The following LRTM1 variants were observed in gnomAD, a reference collection of about 807,000 sequenced individuals.
LRTM1 encodes leucine rich repeat transmembrane protein 1.
Under a neutral mutation model 32.4 loss-of-function variants are expected in LRTM1, and 38 were observed. That is an observed-to-expected ratio of 1.17 (90% CI 0.91 to 1.54). The LOEUF (loss-of-function observed/expected upper bound fraction) is 1.54. Ranked by LOEUF, LRTM1 falls within the 40% of genes most tolerant of loss-of-function variation. LRTM1 has a pLI of 0.00. For missense variants in LRTM1, 466 were observed against 415.4 expected (o/e 1.12, Z -1.06); for synonymous variants, 186 against 169.9 (o/e 1.09, Z -0.74).
At chr3:54,955,098 C>G (rs888121761) in intron 1 of LRTM1, among the ~76,000 whole-genome samples, 1 of 152,116 alleles carries the variant, frequency 6.6e-6, no homozygotes, top group Non-Finnish European at 1.5e-5. Context: ...CAAAATTATT[C>G]GAACGTACGT....
intron 1 of LRTM1, among the ~76,000 whole-genome samples, chr3:54,950,541 C>T (rs1178885939): frequency 6.6e-6 from 1 of 152,188 alleles, no homozygotes; most frequent in African/African-American, 2.4e-5. Flanking sequence ...TGCAATGCTT[C>T]CTCCTGTTTC....
intron 1 of LRTM1, 67 bp from the exon 2 acceptor site, chr3:54,925,282 C>A: frequency 7.5e-7 from 1 of 1,331,878 alleles, no homozygotes; most frequent in African/African-American, 1.5e-5. Flanking sequence ...CACTTTTCCG[C>A]CTTTGAATTT....
intron 1 of LRTM1, among the ~76,000 whole-genome samples, chr3:54,942,737 A>C (rs1406076512): frequency 1.3e-5 from 2 of 151,988 alleles, no homozygotes; most frequent in East Asian, 1.9e-4. Flanking sequence ...AAAATAAAAA[A>C]AATTAGGCCA....
At chr3:54,944,749 T>A (rs1701568920) in intron 1 of LRTM1, among the ~76,000 whole-genome samples, 1 of 152,188 alleles carries the variant, frequency 6.6e-6, no homozygotes, top group Non-Finnish European at 1.5e-5. Context: ...TAGCAGCCTT[T>A]TCTTGTTTCA....
chr3:54,921,778 C>T (rs951963903), intron 2 of LRTM1, among the ~76,000 whole-genome samples: 1 of 152,144 alleles, frequency 6.6e-6, no homozygotes, highest in East Asian at 1.9e-4. Context: ...GAATGCAGAC[C>T]ATGCCCCCAT....
At chr3:54,954,930 T>A (rs1701844587) in intron 1 of LRTM1, among the ~76,000 whole-genome samples, 1 of 152,170 alleles carries the variant, frequency 6.6e-6, no homozygotes, top group Non-Finnish European at 1.5e-5. Flanking sequence ...CACAGTGCAT[T>A]TGCTCATTCA....
At chr3:54,921,542 G>A (rs574471814) in intron 2 of LRTM1, among the ~76,000 whole-genome samples, 4 of 152,250 alleles carry the variant, frequency 2.6e-5, no homozygotes, top group Admixed American at 1.3e-4. Flanking sequence ...AGGCCAGCAG[G>A]AAGACTAAAT....
intron 1 of LRTM1, among the ~76,000 whole-genome samples, chr3:54,964,284 T>A (rs780239694): frequency 2.2e-4 from 34 of 152,156 alleles, no homozygotes; most frequent in Non-Finnish European, 3.8e-4. Flanking sequence ...TGATGAAGAT[T>A]CCCAGCAGGG....
rs764362985 is a variant in LRTM1 at position 54,918,611 on chromosome 3, A to G, written c.886T>C (p.Cys296Arg). ...IATVIITGVV[C>R]GIVCLMMLAA... Reference sequence around the variant, plus strand: ...AACATCATGAGACACACAATCCCACACACAACGCCAGTGATGATGACAGTG... The same window carrying G: ...AACATCATGAGACACACAATCCCACGCACAACGCCAGTGATGATGACAGTG... Residue 296 changes from cysteine to arginine, a missense_variant, in exon 3 of 3, where the codon TGT becomes CGT. Cys to Arg is a radical substitution (Grantham distance 180, BLOSUM62 -3). Coordinates refer to ENST00000273286, the MANE Select transcript of LRTM1 (RefSeq NM_020678.4). 6.2e-7 allele frequency: 1 copy of G among 1,614,038 alleles called. No homozygotes were observed. Among genetic ancestry groups the G allele is most frequent in the Non-Finnish European group, 8.5e-7 (1 of 1,180,006 alleles).
At chr3:54,955,064 C>T (rs6775716) in intron 1 of LRTM1, among the ~76,000 whole-genome samples, 64,015 of 152,008 alleles carry the variant, frequency 0.42, 14,635 homozygotes, top group East Asian at 0.74. Flanking sequence ...TGACAAAAGA[C>T]CGATTAGTAG....
intron 1 of LRTM1, among the ~76,000 whole-genome samples, chr3:54,936,364 G>T (rs767756709): frequency 1.3e-5 from 2 of 152,284 alleles, no homozygotes; most frequent in South Asian, 2.1e-4. Flanking sequence ...AAGCCTTTGT[G>T]TGTGTGCCTA....
intron 1 of LRTM1, among the ~76,000 whole-genome samples, chr3:54,935,979 A>G (rs1453438986): frequency 6.6e-6 from 1 of 152,178 alleles, no homozygotes; most frequent in Non-Finnish European, 1.5e-5. Flanking sequence ...TGTTCCTGCT[A>G]AACACATGGA....
In LRTM1 at chr3:54,952,772, A is replaced by G. The variant is rs145948089; in HGVS notation, c.-222+14156T>C. Among the ~76,000 whole-genome samples the G allele has an allele frequency of 3.0e-3, 450 of 152,240 alleles. 4 individuals are homozygous for G. The highest frequency in any genetic ancestry group is 0.01 in the African/African-American group (422 of 41,540). On this transcript the variant is annotated intron_variant, in intron 1 of 2. Transcript: ENST00000493075. Reference sequence around the variant, plus strand: ...CCAGCCCAGCCACTCCAAAACCTCAATGCCCTCAGCTGTAGAACAGAGGGA... The same window carrying G: ...CCAGCCCAGCCACTCCAAAACCTCAGTGCCCTCAGCTGTAGAACAGAGGGA...
intron 2 of LRTM1, among the ~76,000 whole-genome samples, chr3:54,923,170 T>C (rs1398948104): frequency 1.3e-5 from 2 of 152,132 alleles, no homozygotes; most frequent in East Asian, 3.9e-4. Context: ...CTAAAACTCT[T>C]CAAGAGCTTT....
chr3:54,960,747 T>C (rs1268447541), intron 1 of LRTM1, among the ~76,000 whole-genome samples: 1 of 152,226 alleles, frequency 6.6e-6, no homozygotes, highest in Non-Finnish European at 1.5e-5. Context: ...CCCAAATTAG[T>C]CCCAGGATTT....
chr3:54,918,403 T>G lies in LRTM1; in HGVS notation c.*56A>C. ...AGACTAACAGGAAACACATCAGCCC[T>G]ACTCAGACACTATCTTCTGGCCTGC... On this transcript the variant is annotated 3_prime_UTR_variant, in exon 3 of 3. Coordinates refer to ENST00000273286, the MANE Select transcript of LRTM1 (RefSeq NM_020678.4). 7.9e-7 allele frequency: 1 copy of G among 1,261,658 alleles called. No homozygotes were observed. Among genetic ancestry groups the G allele is most frequent in the South Asian group, 1.2e-5 (1 of 80,844 alleles). The allele number at this position is 1,261,658 out of a possible 1,614,324, so 78.2% of individuals were successfully genotyped here.
At chr3:54,941,196 CA>C (rs1464774696) in intron 1 of LRTM1, among the ~76,000 whole-genome samples, 1 of 152,144 alleles carries the variant, frequency 6.6e-6, no homozygotes, top group Non-Finnish European at 1.5e-5. Flanking sequence ...CAAACTTGTT[CA>C]AGTTGTTAAA....
chr3:54,955,327 C>T lies in LRTM1; in HGVS notation c.-222+11601G>A, dbSNP rs958267880. ...GCAGGTAATCTCTTGAAGCTACTCT[C>T]AGAAGAACAGATGAAAAGTCTGTCT... is the stretch of plus-strand genomic sequence containing the variant. On this transcript the variant is annotated intron_variant, in intron 1 of 2. Transcript: ENST00000493075. 4.6e-5 allele frequency among the ~76,000 whole-genome samples: 7 copies of T among 152,260 alleles called. No homozygotes were observed. In the South Asian group the frequency reaches 1.5e-3, roughly 32 times the overall value.
chr3:54,954,664 C>G lies in LRTM1; in HGVS notation c.-222+12264G>C, dbSNP rs537909414. On this transcript the variant is annotated intron_variant, in intron 1 of 2. Coordinates refer to the LRTM1 transcript ENST00000493075. Reference sequence around the variant, plus strand: ...AGAGGACAAACTGGCCCAGGCAGTTCCCCTGTTTTTCTTCCTGCCCTGAGA... The same window carrying G: ...AGAGGACAAACTGGCCCAGGCAGTTGCCCTGTTTTTCTTCCTGCCCTGAGA... 9.2e-5 allele frequency among the ~76,000 whole-genome samples: 14 copies of G among 152,238 alleles called. No homozygotes were observed. The South Asian group carries it at 2.9e-3, about 32-fold the overall frequency.
Sources: allele counts gnomAD v4.1 joint callset (sites outside exome capture counted in the v4.1 genomes callset), GRCh38; gene constraint gnomAD v4.1.1; transcripts MANE v1.5; gene names NCBI Gene and HGNC (gene_info 2026-07-23, HGNC 2026-07-21).